Variants in FOXN3 observed in about 807,000 individuals in gnomAD.
The protein encoded by FOXN3 is forkhead box protein N3.
Under a neutral mutation model 38.4 loss-of-function variants are expected in FOXN3, and 7 were observed. The ratio of observed to expected loss-of-function variants is 0.18; its 90% CI spans 0.10 to 0.34. The LOEUF (loss-of-function observed/expected upper bound fraction) is 0.34. Ranked by LOEUF, FOXN3 falls within the 10% of genes least tolerant of loss-of-function variation. The pLI, the probability that FOXN3 is intolerant of heterozygous loss-of-function variation, is 1.00. For synonymous variants in FOXN3, 230 were observed against 242.2 expected (o/e 0.95, Z 0.47); for missense variants, 456 against 613.4 (o/e 0.74, Z 2.71).
chr14:89,172,789 CTG>C (rs1451524968), intron 5 of FOXN3, among the ~76,000 whole-genome samples: 7 of 152,188 alleles, frequency 4.6e-5, no homozygotes, highest in African/African-American at 1.2e-4. Context: ...GCTGAGATAA[CTG>C]TTTATTATTT....
chr14:89,550,373 G>A (rs865874989), intron 1 of FOXN3, among the ~76,000 whole-genome samples: 19 of 152,152 alleles, frequency 1.2e-4, no homozygotes, highest in African/African-American at 4.6e-4. Context: ...GTGAAATAAT[G>A]TACAGTGCAC....
At chr14:89,373,525 T>G (rs964843083) in intron 2 of FOXN3, among the ~76,000 whole-genome samples, 1 of 152,218 alleles carries the variant, frequency 6.6e-6, no homozygotes, top group African/African-American at 2.4e-5. Context: ...TTAACTCTTT[T>G]CTGTAGCTTT....
At chr14:89,601,204 C>T (rs1436100559) in intron 1 of FOXN3, among the ~76,000 whole-genome samples, 1 of 152,204 alleles carries the variant, frequency 6.6e-6, no homozygotes, top group Non-Finnish European at 1.5e-5. Context: ...TTTGACGATG[C>T]TATTCAGGAT....
chr14:89,558,910 T>G (rs932937), intron 1 of FOXN3, among the ~76,000 whole-genome samples: 9,471 of 152,224 alleles, frequency 0.062, 981 homozygotes, highest in African/African-American at 0.22. Flanking sequence ...CCACTCACAT[T>G]TGGGCACACT....
intron 4 of FOXN3, among the ~76,000 whole-genome samples, chr14:89,227,899 C>G (rs1884691732): frequency 6.6e-6 from 1 of 152,190 alleles, no homozygotes; most frequent in Admixed American, 6.5e-5. Flanking sequence ...GGCCAACAAC[C>G]TTATGAGCTT....
At chr14:89,553,324 C>G (rs1895048038) in intron 1 of FOXN3, among the ~76,000 whole-genome samples, 1 of 150,028 alleles carries the variant, frequency 6.7e-6, no homozygotes, top group Non-Finnish European at 1.5e-5. Flanking sequence ...GCCAAGAAGC[C>G]ACACAGTTCC....
intron 1 of FOXN3, among the ~76,000 whole-genome samples, chr14:89,567,721 A>ATTT (rs58016745): frequency 7.0e-5 from 9 of 129,486 alleles, no homozygotes; most frequent in Non-Finnish European, 1.2e-4. Context: ...AATCTCGTTG[A>ATTT]TTTTTTTTTT....
At chr14:89,218,546 T>C (rs1217570359) in intron 4 of FOXN3, among the ~76,000 whole-genome samples, 1 of 152,276 alleles carries the variant, frequency 6.6e-6, no homozygotes, top group African/African-American at 2.4e-5. Flanking sequence ...TACATTGTTC[T>C]ACAGCTTGCT....
In FOXN3 at chr14:89,521,362, G is replaced by T. The variant is rs112910073; in HGVS notation, c.-15+97666C>A. Among the ~76,000 whole-genome samples the T allele has an allele frequency of 4.7e-3, 436 of 93,310 alleles. 3 individuals carry two copies. Among genetic ancestry groups the T allele is most frequent in the Middle Eastern group, 0.015 (3 of 194 alleles). 61.2% of individuals were successfully genotyped at this position (93,310 alleles called of 152,430 possible). On this transcript the variant is annotated intron_variant, in intron 1 of 6. Coordinates refer to the FOXN3 transcript ENST00000345097. ...TGAATCTTCATAGATGATAGATAGA[G>T]AGAGAGAGAGAGAGAGAGAGAGACA...
chr14:89,413,097 A>G (rs1891584964), intron 1 of FOXN3, among the ~76,000 whole-genome samples: 1 of 152,130 alleles, frequency 6.6e-6, no homozygotes, highest in Admixed American at 6.5e-5. Flanking sequence ...TAGAACACGG[A>G]GTAAAATAAC....
chr14:89,433,287 A>T (rs1052932244), intron 1 of FOXN3, among the ~76,000 whole-genome samples: 1 of 152,058 alleles, frequency 6.6e-6, no homozygotes, highest in Non-Finnish European at 1.5e-5. Flanking sequence ...TTCAAGACCA[A>T]CCTGGCCAAT....
intron 3 of FOXN3, among the ~76,000 whole-genome samples, chr14:89,293,362 G>A (rs1274264396): frequency 1.3e-5 from 2 of 152,192 alleles, no homozygotes; most frequent in African/African-American, 4.8e-5. Flanking sequence ...GGGGGTTTAA[G>A]CAACAGAAAT....
chr14:89,169,281 A>G (rs1358129124), intron 5 of FOXN3, among the ~76,000 whole-genome samples: 2 of 152,058 alleles, frequency 1.3e-5, no homozygotes, highest in Non-Finnish European at 2.9e-5. Flanking sequence ...TCTCTACAAA[A>G]ATGCAAAAAA....
At chr14:89,233,098 T>C (rs1884868343) in intron 4 of FOXN3, among the ~76,000 whole-genome samples, 2 of 152,238 alleles carry the variant, frequency 1.3e-5, no homozygotes, top group South Asian at 4.1e-4. Context: ...CAAAGGACAC[T>C]TGTGCAAGCA....
chr14:89,615,115 G>T (rs143731095), intron 1 of FOXN3, among the ~76,000 whole-genome samples: 118 of 28,078 alleles, frequency 4.2e-3, no homozygotes, highest in African/African-American at 9.9e-3. Flanking sequence ...CCCCAATTTC[G>T]ATTTTTTTTT....
At chr14:89,453,248 C>T (rs1411773596) in intron 1 of FOXN3, among the ~76,000 whole-genome samples, 2 of 151,196 alleles carry the variant, frequency 1.3e-5, no homozygotes. Context: ...AATGATAATG[C>T]TGTCTCTTTA....
chr14:89,612,104 T>C (rs1896404990), intron 1 of FOXN3, among the ~76,000 whole-genome samples: 1 of 152,158 alleles, frequency 6.6e-6, no homozygotes, highest in Non-Finnish European at 1.5e-5. Flanking sequence ...CAGTGAGAAC[T>C]ATTAATAGTC....
At chr14:89,395,329 T>A (rs1891071847) in intron 2 of FOXN3, among the ~76,000 whole-genome samples, 1 of 152,174 alleles carries the variant, frequency 6.6e-6, no homozygotes, top group Non-Finnish European at 1.5e-5. Flanking sequence ...AAGAGAAGGT[T>A]TACTGAATTG....
rs148161367 is a variant in FOXN3 at position 89,268,808 on chromosome 14, G to A, written c.745+12142C>T. On this transcript the variant is annotated intron_variant, in intron 4 of 5. Coordinates refer to ENST00000557258, the MANE Select transcript of FOXN3 (RefSeq NM_005197.4). ...ACCTCCCATTTGGAATCTATGGGAA[G>A]TGGAGGGGTGGGAGGAGAAAGCTGT... Among the ~76,000 whole-genome samples, 840 of 152,332 alleles carry A rather than the reference G, an allele frequency of 5.5e-3. 7 individuals carry two copies. Among genetic ancestry groups the A allele is most frequent in the African/African-American group, 0.019 (797 of 41,566 alleles).
Sources: gnomAD v4.1 joint callset for allele counts (sites outside exome capture counted in the v4.1 genomes callset) on GRCh38, gnomAD v4.1.1 for gene constraint, MANE v1.5 for transcripts, NCBI Gene and HGNC (gene_info 2026-07-23, HGNC 2026-07-21) for gene names.